KIF5B: variants seen among roughly 807,000 people sequenced by gnomAD.
KIF5B encodes kinesin-1 heavy chain.
Under a neutral mutation model 132.8 loss-of-function variants are expected in KIF5B, and 49 were observed. The observed-to-expected ratio is 0.37, with a 90% CI of 0.29 to 0.47. KIF5B has a LOEUF of 0.47. Ranked by LOEUF, KIF5B falls within the 20% of genes least tolerant of loss-of-function variation. The probability of loss-of-function intolerance (pLI) is 1.00; values close to 1 mark genes in which losing one functional copy is unlikely to be tolerated. For missense variants in KIF5B, 780 were observed against 1,144.0 expected, an observed-to-expected ratio of 0.68 and a Z score of 4.59; for synonymous variants, 355 against 369.4, an observed-to-expected ratio of 0.96 and a Z score of 0.45.
chr10:32,032,861 C>T (rs1841418894), intron 12 of KIF5B, 87 bp from the exon 13 acceptor site: 1 of 926,372 alleles, frequency 1.1e-6, no homozygotes, highest in African/African-American at 1.6e-5. Context: ...TACTACTCCC[C>T]AGAAATATTT....
intron 24 of KIF5B, among the ~76,000 whole-genome samples, chr10:32,015,891 C>T (rs1841152659): frequency 6.6e-6 from 1 of 152,086 alleles, no homozygotes; most frequent in South Asian, 2.1e-4. Context: ...CCTGTGTAAT[C>T]CCAGCACTTT....
chr10:32,026,300 T>G (rs765742760), intron 15 of KIF5B, among the ~76,000 whole-genome samples: 1 of 151,386 alleles, frequency 6.6e-6, no homozygotes, highest in Non-Finnish European at 1.5e-5. Flanking sequence ...TATCCAGGCG[T>G]GGTGGCACAC....
chr10:32,039,280 T>C, intron 4 of KIF5B, 47 bp downstream of exon 4: 1 of 720,146 alleles, frequency 1.4e-6, no homozygotes, highest in South Asian at 1.8e-5. Context: ...TTTTAGAACA[T>C]TATTCTTGCT....
In KIF5B at chr10:32,022,347, G is replaced by A. The variant is rs1330720843; in HGVS notation, c.1915-90C>T. ...AGTAAACATTTCATTATCTATATAT[G>A]ATAAATTTGGGAATATTTAAAACTA... On this transcript the variant is annotated intron_variant, in intron 16 of 25. Coordinates refer to ENST00000302418, the MANE Select transcript of KIF5B (RefSeq NM_004521.3). The A allele has an allele frequency of 4.6e-6, 3 of 654,226 alleles. No homozygotes were observed. In the African/African-American group the frequency reaches 5.5e-5, roughly 12 times the overall value. The allele number at this position is 654,226 out of a possible 1,614,324, so 40.5% of individuals were successfully genotyped here.
chr10:32,022,814 C>CA lies in KIF5B; in HGVS notation c.1914+33dup, dbSNP rs758260107. 9.8e-6 allele frequency: 14 copies of CA among 1,433,430 alleles called. No homozygotes were observed. The South Asian group carries it at 1.8e-4, about 19-fold the overall frequency. 88.8% of individuals were successfully genotyped at this position (1,433,430 alleles called of 1,614,324 possible). On this transcript the variant is annotated intron_variant, in intron 16 of 25. Coordinates refer to ENST00000302418, the MANE Select transcript of KIF5B (RefSeq NM_004521.3). ...AAATAAAATTTCTATGTGGCTGTTT[C>CA]AAAAAAATGAATAAACTTTGTTCTA... is the stretch of plus-strand genomic sequence containing the variant.
intron 12 of KIF5B, 46 bp from the exon 13 acceptor site, chr10:32,032,820 T>G: frequency 7.1e-7 from 1 of 1,417,976 alleles, no homozygotes; most frequent in Non-Finnish European, 1.0e-6. Flanking sequence ...ACAACCTGGT[T>G]CTAGTTGTTT....
At chr10:32,029,108 A>G (rs1355673287) in intron 14 of KIF5B, among the ~76,000 whole-genome samples, 1 of 152,176 alleles carries the variant, frequency 6.6e-6, no homozygotes, top group Admixed American at 6.5e-5. Flanking sequence ...ATCATTATAA[A>G]TCTCAAATCA....
At chr10:32,040,512 A>C (rs1841519155) in intron 2 of KIF5B, 55 bp from the exon 3 acceptor site, 1 of 986,736 alleles carries the variant, frequency 1.0e-6, no homozygotes, top group Non-Finnish European at 1.6e-6. Context: ...AAGATTCCTA[A>C]GAAATTACTT....
At chr10:32,043,423 C>G (rs1160096725) in intron 2 of KIF5B, among the ~76,000 whole-genome samples, 1 of 152,174 alleles carries the variant, frequency 6.6e-6, no homozygotes. Flanking sequence ...TGCAAATAGA[C>G]TTGGTTCCAG....
chr10:32,009,348 T>G lies in KIF5B; in HGVS notation c.*2189A>C, dbSNP rs1841037384. The G allele has an allele frequency of 6.6e-6, 1 of 152,150 alleles. No individual in the cohort carries two copies. The allele number at this position is 152,150 out of a possible 1,614,324, so 9.4% of individuals were successfully genotyped here. ...TTCAGAGGAACGTTAATATATCCAG[T>G]CAAAAAGACACTGCAAATTGAAATG... On this transcript the variant is annotated 3_prime_UTR_variant, in exon 26 of 26. Coordinates refer to ENST00000302418, the MANE Select transcript of KIF5B (RefSeq NM_004521.3).
At chr10:32,028,221 AT>A (rs57702189) in intron 15 of KIF5B, among the ~76,000 whole-genome samples, 14,402 of 152,142 alleles carry the variant, frequency 0.095, 796 homozygotes, top group Non-Finnish European at 0.12. Flanking sequence ...GGTCCAATAA[AT>A]GCCGCCTACT....
At chr10:32,046,792 TC>T (rs1031085056) in intron 2 of KIF5B, among the ~76,000 whole-genome samples, 14 of 152,274 alleles carry the variant, frequency 9.2e-5, no homozygotes, top group African/African-American at 3.4e-4. Context: ...CTGCATTGCT[TC>T]CATAATCTCA....
intron 2 of KIF5B, among the ~76,000 whole-genome samples, chr10:32,041,480 C>T (rs191337683): frequency 8.5e-4 from 130 of 152,242 alleles, no homozygotes; most frequent in African/African-American, 3.0e-3. Flanking sequence ...AATCCTCTGC[C>T]AATTTACATA....
At chr10:32,024,194 G>T in intron 15 of KIF5B, among the ~76,000 whole-genome samples, 1 of 103,820 alleles carries the variant, frequency 9.6e-6, no homozygotes, top group African/African-American at 3.7e-5. Context: ...TCGCTCTGTC[G>T]CCCAGGCTGG....
chr10:32,054,163 C>A (rs758148074), intron 1 of KIF5B, among the ~76,000 whole-genome samples: 1 of 152,144 alleles, frequency 6.6e-6, no homozygotes, highest in African/African-American at 2.4e-5. Flanking sequence ...TTTGATGTGC[C>A]AACCACTGCA....
chr10:32,053,753 AAAC>A (rs1841721530), intron 1 of KIF5B, among the ~76,000 whole-genome samples: 1 of 152,018 alleles, frequency 6.6e-6, no homozygotes, highest in South Asian at 2.1e-4. Context: ...AATCTCAAAA[AAAC>A]AACCAACCAA....
intron 15 of KIF5B, among the ~76,000 whole-genome samples, 185 bp downstream of exon 15, chr10:32,028,243 A>G (rs1592444300): frequency 6.6e-6 from 1 of 152,136 alleles, no homozygotes; most frequent in East Asian, 1.9e-4. Context: ...GAATTTACCT[A>G]TTTGGGTGCC....
chr10:32,017,979 A>C (rs1442972802), intron 23 of KIF5B, 73 bp downstream of exon 23: 8 of 719,220 alleles, frequency 1.1e-5, no homozygotes, highest in Non-Finnish European at 1.8e-5. Context: ...GAAAGATTGA[A>C]ATACTCACTT....
chr10:32,056,078 C>T lies in KIF5B; in HGVS notation c.-105G>A, dbSNP rs994436744. 3 of 1,399,560 alleles carry T rather than the reference C, an allele frequency of 2.1e-6. No individual in the cohort carries two copies. The highest frequency in any genetic ancestry group is 2.5e-4 in the Middle Eastern group (1 of 3,974). The allele number at this position is 1,399,560 out of a possible 1,614,324, so 86.7% of individuals were successfully genotyped here. A position where few individuals can be genotyped will look rare whatever the true frequency, so the allele number is the denominator to read the frequency against. The stretch of plus-strand genomic sequence containing the variant: ...TTGTGGTCGCGAGGGCCGTGAGAGG[C>T]AGCAGTCAGCTGCGCCGCGCTGCGC... On this transcript the variant is annotated 5_prime_UTR_variant, in exon 1 of 26. Transcript: ENST00000302418.
Sources: gnomAD v4.1 joint callset for allele counts (sites outside exome capture counted in the v4.1 genomes callset) on GRCh38, gnomAD v4.1.1 for gene constraint, MANE v1.5 for transcripts, NCBI Gene and HGNC (gene_info 2026-07-23, HGNC 2026-07-21) for gene names.